PACS1: variants seen among roughly 807,000 people sequenced by gnomAD.
The protein encoded by PACS1 is phosphofurin acidic cluster sorting protein 1, also known as PACS-1.
In PACS1, 24 loss-of-function variants were observed where a neutral mutation model predicts 115.0. The ratio of observed to expected loss-of-function variants is 0.21; its 90% confidence interval spans 0.15 to 0.29. The LOEUF (loss-of-function observed/expected upper bound fraction) is 0.29, where lower values mean the gene tolerates loss of function less well. Among genes scored for constraint, PACS1 ranks in the 10% least tolerant of loss-of-function variants. The probability of loss-of-function intolerance (pLI) is 1.00; values close to 1 mark genes in which losing one functional copy is unlikely to be tolerated. For synonymous variants in PACS1, 453 were observed against 504.5 expected, an observed-to-expected ratio of 0.90 and a Z score of 1.37; for missense variants, 838 against 1,251.2, an observed-to-expected ratio of 0.67 and a Z score of 4.98.
intron 4 of PACS1, among the ~76,000 whole-genome samples, chr11:66,213,791 T>C (rs2134705225): frequency 6.6e-6 from 1 of 152,348 alleles, no homozygotes; most frequent in Middle Eastern, 3.4e-3. Context: ...TCCAGCACTT[T>C]GGGAGGCTGT....
chr11:66,226,218 T>A (rs775282649), intron 10 of PACS1, among the ~76,000 whole-genome samples: 1 of 151,892 alleles, frequency 6.6e-6, no homozygotes, highest in Non-Finnish European at 1.5e-5. Flanking sequence ...ATAGAGAAGG[T>A]GTAAATGAGC....
At chr11:66,136,115 T>A (rs1858837170) in intron 1 of PACS1, among the ~76,000 whole-genome samples, 1 of 152,200 alleles carries the variant, frequency 6.6e-6, no homozygotes, top group Non-Finnish European at 1.5e-5. Flanking sequence ...GATACGTAAG[T>A]ACGTCCTACG....
In PACS1 at chr11:66,207,734, C is replaced by G. The variant is rs1481920248; in HGVS notation, c.445-2628C>G. Among the ~76,000 whole-genome samples, 6 of 152,094 alleles carry G rather than the reference C, an allele frequency of 3.9e-5. No homozygotes were observed. In the South Asian group the frequency reaches 1.2e-3, roughly 32 times the overall value. ...TGAGACAGAGTCTCGTTCTGTTGCC[C>G]AGGCTGGAGTGCAGTGATATAATCT... On this transcript the variant is annotated intron_variant, in intron 2 of 23. Coordinates refer to ENST00000320580, the MANE Select transcript of PACS1 (RefSeq NM_018026.4).
intron 1 of PACS1, among the ~76,000 whole-genome samples, chr11:66,082,944 A>G (rs937780238): frequency 1.3e-5 from 2 of 152,344 alleles, no homozygotes; most frequent in East Asian, 1.9e-4. Context: ...AACTATGAAT[A>G]TGATGGTATA....
At chr11:66,212,561 G>A (rs998081912) in intron 4 of PACS1, among the ~76,000 whole-genome samples, 1 of 151,668 alleles carries the variant, frequency 6.6e-6, no homozygotes, top group Non-Finnish European at 1.5e-5. Flanking sequence ...ATCAGCCTCT[G>A]TGCCCGGCCT....
chr11:66,094,998 C>T (rs1468139836), intron 1 of PACS1, among the ~76,000 whole-genome samples: 4 of 142,932 alleles, frequency 2.8e-5, no homozygotes, highest in African/African-American at 1.0e-4. Context: ...ATTCAACAAC[C>T]CTTCATGCTA....
chr11:66,238,755 T>C (rs1490550628), intron 19 of PACS1, 49 bp from the exon 20 acceptor site: 19 of 1,520,370 alleles, frequency 1.2e-5, no homozygotes, highest in Non-Finnish European at 1.6e-5. Flanking sequence ...GATCAGAACA[T>C]GCCTGCTTTA....
chr11:66,090,474 G>A (rs191023721), intron 1 of PACS1, among the ~76,000 whole-genome samples: 83 of 152,022 alleles, frequency 5.5e-4, no homozygotes, highest in Non-Finnish European at 6.2e-4. Flanking sequence ...AGGTCCCACT[G>A]TTGCCCAGGC....
intron 10 of PACS1, among the ~76,000 whole-genome samples, chr11:66,223,481 A>C (rs1175583150): frequency 1.3e-5 from 2 of 151,596 alleles, no homozygotes; most frequent in East Asian, 3.9e-4. Context: ...CTTTGGTATT[A>C]GTGTTTAGGA....
Position 66,233,254 on chromosome 11 carries a change from C to A in PACS1, c.1838+188C>A, listed in dbSNP as rs1366927663. On this transcript the variant is annotated intron_variant, in intron 15 of 23. Coordinates refer to ENST00000320580, the MANE Select transcript of PACS1 (RefSeq NM_018026.4). The surrounding 1 kb of genome is among the most constrained non-coding windows in gnomAD (Gnocchi z 4.5). ...GAGGCCCCGGCAGACCCCAGAGGATCGGGGGTGGAAATATCAATTCCTGTG... is the reference window on the plus strand; with the variant it reads ...GAGGCCCCGGCAGACCCCAGAGGATAGGGGGTGGAAATATCAATTCCTGTG... Among the ~76,000 whole-genome samples, 1 of 152,132 alleles carries A rather than the reference C, an allele frequency of 6.6e-6. No individual in the cohort carries two copies. Among genetic ancestry groups the A allele is most frequent in the African/African-American group, 2.4e-5 (1 of 41,412 alleles).
At position 66,121,018 on chromosome 11, in the gene PACS1, C is replaced by G. The variant is rs765135878; in HGVS notation, c.356+50176C>G. ...TTGTGCTTCACTTTCTTGTGCTTCACAGATGCTGCATTTTTTACAGATTGA... is the reference window on the plus strand; with the variant it reads ...TTGTGCTTCACTTTCTTGTGCTTCAGAGATGCTGCATTTTTTACAGATTGA... On this transcript the variant is annotated intron_variant, in intron 1 of 23. Transcript: ENST00000320580. 6.1e-5 allele frequency: 28 copies of G among 456,190 alleles called. 1 individual carries two copies. Among genetic ancestry groups the G allele is most frequent in the South Asian group, 4.2e-4 (27 of 64,578 alleles). 28.3% of individuals were successfully genotyped at this position (456,190 alleles called of 1,614,324 possible). A position where few individuals can be genotyped will look rare whatever the true frequency, so the allele number is the denominator to read the frequency against.
intron 1 of PACS1, among the ~76,000 whole-genome samples, chr11:66,173,628 T>G (rs1859789177): frequency 6.6e-6 from 1 of 152,078 alleles, no homozygotes; most frequent in South Asian, 2.1e-4. Context: ...GAGAATCGCT[T>G]GAACCCGGGA....
intron 11 of PACS1, among the ~76,000 whole-genome samples, chr11:66,230,140 AAAAAAAAAAAAAAG>A (rs913355009): frequency 7.3e-5 from 11 of 150,642 alleles, no homozygotes; most frequent in Admixed American, 2.6e-4. Context: ...GGGGCTAAAA[AAAAAAAAAAAAAAG>A]AAAAAAAAAA....
chr11:66,199,083 A>G (rs552136858), intron 2 of PACS1, among the ~76,000 whole-genome samples: 46 of 152,302 alleles, frequency 3.0e-4, no homozygotes, highest in African/African-American at 1.1e-3. Context: ...TGGGAGGCCA[A>G]GGCAGGTGGA....
rs573818146 is a variant in PACS1 at position 66,240,410 on chromosome 11, G to A, written c.2430-1017G>A. Among the ~76,000 whole-genome samples the A allele has an allele frequency of 5.3e-5, 8 of 152,280 alleles. No individual in the cohort carries two copies. In the East Asian group the frequency reaches 1.4e-3, roughly 26 times the overall value. ...AGCCTGCCTTCCCTTCCCCCATTTC[G>A]CTGCCTTCCGCCTTCGCCTCTTCCC... On this transcript the variant is annotated intron_variant, in intron 21 of 23. Coordinates refer to ENST00000320580, the MANE Select transcript of PACS1 (RefSeq NM_018026.4).
chr11:66,243,247 A>C lies in PACS1; in HGVS notation c.2859A>C (p.Pro953=). The C allele has an allele frequency of 6.2e-7, 1 of 1,610,686 alleles. No homozygotes were observed. The highest frequency in any genetic ancestry group is 8.5e-7 in the Non-Finnish European group (1 of 1,178,368). ...AQWPTHVKHF[P]VGLFSGSKAT Reference sequence around the variant, plus strand: ...GGCCCACCCATGTCAAGCACTTTCCAGTGGGACTCTTCAGTGGCAGCAAGG... The same window carrying C: ...GGCCCACCCATGTCAAGCACTTTCCCGTGGGACTCTTCAGTGGCAGCAAGG... Residue 953 remains proline (P), a synonymous_variant, in exon 24 of 24, where the codon CCA becomes CCC. Coordinates refer to ENST00000320580, the MANE Select transcript of PACS1 (RefSeq NM_018026.4).
chr11:66,190,653 G>T (rs895635369), intron 1 of PACS1, among the ~76,000 whole-genome samples: 5 of 152,192 alleles, frequency 3.3e-5, no homozygotes, highest in Admixed American at 2.0e-4. Flanking sequence ...CTCCTGAGTA[G>T]CTGGGACTGC....
intron 2 of PACS1, among the ~76,000 whole-genome samples, chr11:66,199,101 G>T (rs980345774): frequency 5.9e-5 from 9 of 152,148 alleles, no homozygotes; most frequent in African/African-American, 2.2e-4. Flanking sequence ...GGATCATGAG[G>T]TCAGGAGATC....
At chr11:66,124,831 A>G (rs1858533149) in intron 1 of PACS1, among the ~76,000 whole-genome samples, 1 of 152,224 alleles carries the variant, frequency 6.6e-6, no homozygotes, top group African/African-American at 2.4e-5. Context: ...GGGTGAGTCC[A>G]GTGCTGGTTA....
Sources: allele counts gnomAD v4.1 joint callset (sites outside exome capture counted in the v4.1 genomes callset), GRCh38; gene constraint gnomAD v4.1.1; non-coding constraint Gnocchi (gnomAD v3.1); transcripts MANE v1.5; gene names NCBI Gene and HGNC (gene_info 2026-07-23, HGNC 2026-07-21).